The following QSER1 variants were observed in gnomAD, a reference collection of about 807,000 sequenced individuals.
QSER1 encodes glutamine and serine-rich protein 1.
In QSER1, 49 loss-of-function variants were observed where a neutral mutation model predicts 158.5. The ratio of observed to expected loss-of-function variants is 0.31; its 90% confidence interval spans 0.25 to 0.39. The LOEUF is 0.39. QSER1 is among the 10% of genes least tolerant of loss of function. The pLI is 1.00. For synonymous variants in QSER1, 650 were observed against 715.5 expected (o/e 0.91, Z 1.46); for missense variants, 1,754 against 2,010.3 (o/e 0.87, Z 2.44).
chr11:32,940,061 T>A (rs1271319628), intron 4 of QSER1, among the ~76,000 whole-genome samples: 1 of 151,930 alleles, frequency 6.6e-6, no homozygotes, highest in Non-Finnish European at 1.5e-5. Flanking sequence ...ACAGGGATTC[T>A]CCCTATTCTC....
At chr11:32,897,621 A>G (rs1443775185) in intron 1 of QSER1, among the ~76,000 whole-genome samples, 1 of 152,134 alleles carries the variant, frequency 6.6e-6, no homozygotes, top group African/African-American at 2.4e-5. Context: ...TGGGATTGAT[A>G]AATTTCTTGT....
Position 32,934,784 on chromosome 11 carries a change from G to A in QSER1, c.3526G>A (p.Ala1176Thr). 6.2e-7 allele frequency: 1 copy of A among 1,614,036 alleles called. No individual in the cohort carries two copies. ...AGCTAGGAGTGCACTTGCACTGTTG[G>A]CCATGGCCCAATCTGGGGATGCAGT... is the stretch of plus-strand genomic sequence containing the variant. Reference protein sequence around the residue: ...NPARSALALLAMAQSGDAVSV... With the variant: ...NPARSALALLTMAQSGDAVSV... The change falls in exon 4 of 13, where the codon GCC becomes ACC. Residue 1176 changes from alanine to threonine, a missense_variant. Physicochemically the swap from Ala to Thr is moderately conservative, Grantham distance 58. Around this residue, in one of 2 missense-constraint regions of QSER1, gnomAD observed 1,707 missense variants for 1,919.6 expected, o/e 0.89. Transcript: ENST00000650167.
At chr11:32,963,638 A>C (rs773479724) in intron 8 of QSER1, among the ~76,000 whole-genome samples, 2 of 151,372 alleles carry the variant, frequency 1.3e-5, no homozygotes, top group Non-Finnish European at 2.9e-5. Flanking sequence ...TGCATGAGCC[A>C]CCGCATCCAG....
At position 32,942,514 on chromosome 11, in the gene QSER1, C is replaced by G. The variant is rs1316182450; in HGVS notation, c.4177+7079C>G. Among the ~76,000 whole-genome samples the G allele has an allele frequency of 2.1e-3, 319 of 150,078 alleles. 1 individual carries two copies. The highest frequency in any genetic ancestry group is 5.6e-3 in the African/African-American group (231 of 40,952). ...AATCCTTTCCCCATTGCTTGTTTTT[C>G]TCAGGTTTGTCAAAGATCAGATAGT... On this transcript the variant is annotated intron_variant, in intron 4 of 12. Coordinates refer to ENST00000650167, the MANE Select transcript of QSER1 (RefSeq NM_001076786.3).
chr11:32,976,227 C>T (rs1329180681), intron 12 of QSER1, 107 bp from the exon 13 acceptor site: 2 of 977,250 alleles, frequency 2.0e-6, no homozygotes, highest in Non-Finnish European at 2.8e-6. Context: ...CTGAAATAAT[C>T]ATTCTCCATG....
intron 1 of QSER1, among the ~76,000 whole-genome samples, chr11:32,915,563 G>A (rs779614446): frequency 1.2e-4 from 19 of 152,118 alleles, no homozygotes; most frequent in Non-Finnish European, 2.4e-4. Context: ...ATTCAAAGAC[G>A]AGTCTATACT....
intron 1 of QSER1, among the ~76,000 whole-genome samples, chr11:32,919,447 G>T (rs1239642577): frequency 6.6e-6 from 1 of 152,168 alleles, no homozygotes; most frequent in Non-Finnish European, 1.5e-5. Flanking sequence ...TTTGGAATTT[G>T]CCTAATGTTT....
chr11:32,967,069 G>A (rs546778477), intron 9 of QSER1, among the ~76,000 whole-genome samples: 1 of 152,196 alleles, frequency 6.6e-6, no homozygotes, highest in South Asian at 2.1e-4. Context: ...TTGCAGCACA[G>A]TTCACAACTG....
chr11:32,902,202 C>T (rs1382663581), intron 1 of QSER1, among the ~76,000 whole-genome samples: 1 of 152,154 alleles, frequency 6.6e-6, no homozygotes, highest in East Asian at 1.9e-4. Flanking sequence ...GTGCACTTCC[C>T]TGAGATCTGA....
At chr11:32,917,902 G>A in intron 1 of QSER1, among the ~76,000 whole-genome samples, 1 of 150,584 alleles carries the variant, frequency 6.6e-6, no homozygotes, top group Non-Finnish European at 1.5e-5. Context: ...CTTGTTTTGT[G>A]CTTCAGTAAT....
chr11:32,936,669 T>G (rs1306058757), intron 4 of QSER1, among the ~76,000 whole-genome samples: 1 of 152,172 alleles, frequency 6.6e-6, no homozygotes, highest in East Asian at 1.9e-4. Flanking sequence ...ATACCTCTAG[T>G]AAGTGACAGA....
intron 1 of QSER1, among the ~76,000 whole-genome samples, chr11:32,911,171 G>A (rs1190547726): frequency 6.6e-6 from 1 of 151,916 alleles, no homozygotes; most frequent in Non-Finnish European, 1.5e-5. Flanking sequence ...TCTTCCTTAT[G>A]GTTTCCTCTT....
intron 1 of QSER1, among the ~76,000 whole-genome samples, chr11:32,908,418 G>T (rs1458643426): frequency 6.6e-6 from 1 of 152,116 alleles, no homozygotes; most frequent in Non-Finnish European, 1.5e-5. Context: ...GCCAACATCT[G>T]TCTCTTTTTG....
chr11:32,962,750 G>A (rs1852647362), intron 8 of QSER1, among the ~76,000 whole-genome samples: 1 of 152,162 alleles, frequency 6.6e-6, no homozygotes, highest in Admixed American at 6.5e-5. Context: ...GACTCACAGT[G>A]GGGATAGAAG....
chr11:32,950,105 C>CT (rs1353267455), intron 4 of QSER1, among the ~76,000 whole-genome samples: 1 of 150,662 alleles, frequency 6.6e-6, no homozygotes, highest in Non-Finnish European at 1.5e-5. Context: ...CTTTTTTTTT[C>CT]TTTTTTTGAG....
intron 1 of QSER1, among the ~76,000 whole-genome samples, chr11:32,896,887 C>G (rs1471813522): frequency 6.6e-6 from 1 of 152,088 alleles, no homozygotes; most frequent in Non-Finnish European, 1.5e-5. Flanking sequence ...TAGAGTTTTC[C>G]TCAAGGTTTT....
At chr11:32,943,729 C>G (rs1852280798) in intron 4 of QSER1, among the ~76,000 whole-genome samples, 3 of 151,854 alleles carry the variant, frequency 2.0e-5, no homozygotes. Flanking sequence ...GCTTTGGTAT[C>G]AGAATGATGC....
intron 1 of QSER1, among the ~76,000 whole-genome samples, chr11:32,919,711 G>A (rs544253491): frequency 5.2e-4 from 79 of 152,256 alleles, no homozygotes; most frequent in African/African-American, 1.9e-3. Context: ...GGGAGTTATG[G>A]TCTCCCTCCT....
At chr11:32,897,450 C>T (rs1851569255) in intron 1 of QSER1, among the ~76,000 whole-genome samples, 1 of 152,184 alleles carries the variant, frequency 6.6e-6, no homozygotes, top group African/African-American at 2.4e-5. Context: ...TCTTTGTCAC[C>T]GTTGACCATT....
Sources: allele counts gnomAD v4.1 joint callset (sites outside exome capture counted in the v4.1 genomes callset), GRCh38; gene constraint gnomAD v4.1.1; regional missense constraint gnomAD v4.1.1; transcripts MANE v1.5; gene names NCBI Gene and HGNC (gene_info 2026-07-23, HGNC 2026-07-21).